The following MGAT4C variants were observed in gnomAD, a reference collection of about 807,000 sequenced individuals.
MGAT4C encodes alpha-1,3-mannosyl-glycoprotein 4-beta-N-acetylglucosaminyltransferase C.
In MGAT4C, 19 loss-of-function variants were observed where a neutral mutation model predicts 40.1. The ratio of observed to expected loss-of-function variants is 0.47; its 90% confidence interval spans 0.33 to 0.70. The LOEUF is 0.70. Ranked by LOEUF, MGAT4C falls within the 30% of genes least tolerant of loss-of-function variation. The pLI, the probability that MGAT4C is intolerant of heterozygous loss-of-function variation, is 0.02. For missense variants in MGAT4C, 491 were observed against 563.2 expected, an observed-to-expected ratio of 0.87 and a Z score of 1.30; for synonymous variants, 181 against 187.1, an observed-to-expected ratio of 0.97 and a Z score of 0.27.
At chr12:86,772,026 C>A (rs999406771) in intron 1 of MGAT4C, among the ~76,000 whole-genome samples, 6 of 152,038 alleles carry the variant, frequency 3.9e-5, no homozygotes, top group African/African-American at 1.4e-4. Context: ...AAAAAGGAAG[C>A]AGTATCTGAA....
intron 2 of MGAT4C, among the ~76,000 whole-genome samples, chr12:86,668,516 A>C (rs1964171165): frequency 6.6e-6 from 1 of 152,218 alleles, no homozygotes; most frequent in Non-Finnish European, 1.5e-5. Context: ...GAACAGCTGC[A>C]GACATTTTCC....
At position 86,515,077 on chromosome 12, in the gene MGAT4C, G is replaced by A. The variant is rs376874403; in HGVS notation, c.-228-79812C>T. 1.2e-4 allele frequency among the ~76,000 whole-genome samples: 18 copies of A among 152,284 alleles called. No homozygotes were observed. In the South Asian group the frequency reaches 2.7e-3, roughly 23 times the overall value. Reference sequence around the variant, plus strand: ...ATGAAATGAAATGAAGCATATTCACGAGTTCTGGGAATCAGGATGTGGATA... The same window carrying A: ...ATGAAATGAAATGAAGCATATTCACAAGTTCTGGGAATCAGGATGTGGATA... On this transcript the variant is annotated intron_variant, in intron 2 of 7. Coordinates refer to the MGAT4C transcript ENST00000548651.
rs563101860 is a variant in MGAT4C, at chr12:86,169,616, C to T, written c.-57+86623G>A. Among the ~76,000 whole-genome samples the T allele has an allele frequency of 1.5e-3, 223 of 152,264 alleles. 1 individual carries two copies. Among genetic ancestry groups the T allele is most frequent in the African/African-American group, 5.2e-3 (216 of 41,558 alleles). On this transcript the variant is annotated intron_variant, in intron 1 of 4. Transcript: ENST00000611864. Reference sequence around the variant, plus strand: ...TGGTGTAGTTTCATTATTAATTCATCTCTCTACTCCCTACAACCTAACAGA... The same window carrying T: ...TGGTGTAGTTTCATTATTAATTCATTTCTCTACTCCCTACAACCTAACAGA...
At chr12:86,416,305 T>G (rs767290291) in intron 3 of MGAT4C, among the ~76,000 whole-genome samples, 4 of 152,122 alleles carry the variant, frequency 2.6e-5, no homozygotes, top group Non-Finnish European at 5.9e-5. Flanking sequence ...ATTTACATTC[T>G]GAGATAAAAA....
intron 2 of MGAT4C, among the ~76,000 whole-genome samples, chr12:86,699,895 C>T (rs1386046335): frequency 6.6e-6 from 1 of 151,686 alleles, no homozygotes; most frequent in Non-Finnish European, 1.5e-5. Flanking sequence ...TCACAGGTGG[C>T]AGAGGCAAAA....
intron 1 of MGAT4C, among the ~76,000 whole-genome samples, chr12:86,754,113 T>C (rs370049254): frequency 1.7e-4 from 26 of 152,086 alleles, no homozygotes; most frequent in African/African-American, 6.3e-4. Context: ...GATGAAAGAA[T>C]ACATAATTTG....
intron 4 of MGAT4C, among the ~76,000 whole-genome samples, chr12:86,309,722 G>T (rs1954022792): frequency 6.6e-6 from 1 of 152,166 alleles, no homozygotes; most frequent in South Asian, 2.1e-4. Context: ...ATTGTTGGTG[G>T]CAATATTATA....
intron 1 of MGAT4C, among the ~76,000 whole-genome samples, chr12:86,161,287 T>A (rs1046962523): frequency 6.6e-6 from 1 of 152,158 alleles, no homozygotes; most frequent in African/African-American, 2.4e-5. Context: ...TCCTAACAGA[T>A]TGGTACTGCT....
At chr12:86,732,176 A>C (rs1424436001) in intron 1 of MGAT4C, among the ~76,000 whole-genome samples, 1 of 152,138 alleles carries the variant, frequency 6.6e-6, no homozygotes, top group Non-Finnish European at 1.5e-5. Flanking sequence ...TCTGCTTGTC[A>C]CTTTCATTTT....
At chr12:86,743,689 T>G (rs1323222723) in intron 1 of MGAT4C, among the ~76,000 whole-genome samples, 2 of 151,556 alleles carry the variant, frequency 1.3e-5, no homozygotes, top group Non-Finnish European at 3.0e-5. Flanking sequence ...GTTCATAAAT[T>G]TTATTAAACT....
chr12:86,745,355 G>A (rs1951137322), intron 1 of MGAT4C, among the ~76,000 whole-genome samples: 1 of 151,626 alleles, frequency 6.6e-6, no homozygotes, highest in Admixed American at 6.6e-5. Flanking sequence ...TGTAATCAAA[G>A]TATTTTTTAC....
At chr12:86,269,298 T>C (rs1952883466) in intron 4 of MGAT4C, among the ~76,000 whole-genome samples, 1 of 151,252 alleles carries the variant, frequency 6.6e-6, no homozygotes, top group African/African-American at 2.4e-5. Context: ...TATTTGTCTT[T>C]ATTATAATAC....
intron 2 of MGAT4C, among the ~76,000 whole-genome samples, chr12:86,546,989 A>C (rs1959196921): frequency 6.6e-6 from 1 of 151,904 alleles, no homozygotes; most frequent in South Asian, 2.1e-4. Flanking sequence ...AATAAAAAGA[A>C]TTTATTTATT....
intron 2 of MGAT4C, among the ~76,000 whole-genome samples, chr12:86,633,540 C>A (rs557950515): frequency 6.6e-6 from 1 of 152,164 alleles, no homozygotes; most frequent in Admixed American, 6.6e-5. Context: ...TTTAATCTGA[C>A]TATACCTATT....
chr12:86,313,192 T>G (rs1012418568), intron 4 of MGAT4C, among the ~76,000 whole-genome samples: 53 of 152,296 alleles, frequency 3.5e-4, no homozygotes, highest in African/African-American at 1.1e-3. Context: ...TAAAACACAA[T>G]AAAATTAAAT....
intron 1 of MGAT4C, among the ~76,000 whole-genome samples, chr12:86,782,375 G>T (rs1273153504): frequency 4.6e-5 from 7 of 151,716 alleles, no homozygotes; most frequent in African/African-American, 1.7e-4. Flanking sequence ...TAGAGACAGG[G>T]TTTCACCATG....
intron 2 of MGAT4C, among the ~76,000 whole-genome samples, chr12:86,563,884 A>T (rs1198974140): frequency 6.6e-6 from 1 of 152,172 alleles, no homozygotes; most frequent in Non-Finnish European, 1.5e-5. Context: ...CCCCAGTGCC[A>T]GAATGCATAA....
At chr12:86,136,851 C>A (rs1302269065) in intron 1 of MGAT4C, among the ~76,000 whole-genome samples, 2 of 152,038 alleles carry the variant, frequency 1.3e-5, no homozygotes, top group Non-Finnish European at 2.9e-5. Flanking sequence ...CCACGCCTGG[C>A]TAATTTTTGT....
intron 2 of MGAT4C, among the ~76,000 whole-genome samples, chr12:86,638,821 C>A (rs148332875): frequency 6.6e-6 from 1 of 151,838 alleles, no homozygotes; most frequent in African/African-American, 2.4e-5. Context: ...TCTTCTCAGG[C>A]CTGGAACCCA....
Sources: gnomAD v4.1 joint callset for allele counts (sites outside exome capture counted in the v4.1 genomes callset) on GRCh38, gnomAD v4.1.1 for gene constraint, MANE v1.5 for transcripts, NCBI Gene and HGNC (gene_info 2026-07-23, HGNC 2026-07-21) for gene names.